The following RNF150 variants were observed in gnomAD, a reference collection of about 807,000 sequenced individuals.
The protein encoded by RNF150 is ring finger protein 150.
In RNF150, 24 loss-of-function variants were observed where a neutral mutation model predicts 39.3. The ratio of observed to expected loss-of-function variants is 0.61; its 90% CI spans 0.44 to 0.86. RNF150 has a LOEUF of 0.86. RNF150 is among the 40% of genes least tolerant of loss of function. The pLI is 0.00. For missense variants in RNF150, 502 were observed against 587.8 expected, an observed-to-expected ratio of 0.85 and a Z score of 1.51; for synonymous variants, 255 against 227.3, an observed-to-expected ratio of 1.12 and a Z score of -1.10.
At chr4:141,211,343 G>A (rs1031846976) in intron 1 of RNF150, among the ~76,000 whole-genome samples, 2 of 152,074 alleles carry the variant, frequency 1.3e-5, no homozygotes, top group Non-Finnish European at 1.5e-5. Flanking sequence ...ATACACCTAC[G>A]CTTGCTATTT....
rs376436172 is a variant in RNF150, at chr4:140,984,427, T to G, written c.485-16554A>C. On this transcript the variant is annotated intron_variant, in intron 1 of 6. Coordinates refer to ENST00000515673, the MANE Select transcript of RNF150 (RefSeq NM_020724.2). ...TGGTCTTTATTCTCTCTATCAGTATTCTTAGGGCAGGTAGAATTGAATGCA... is the reference window on the plus strand; with the variant it reads ...TGGTCTTTATTCTCTCTATCAGTATGCTTAGGGCAGGTAGAATTGAATGCA... Among the ~76,000 whole-genome samples the G allele has an allele frequency of 7.9e-5, 12 of 152,248 alleles. No homozygotes were observed. The East Asian group carries it at 1.2e-3, about 15-fold the overall frequency.
intron 1 of RNF150, among the ~76,000 whole-genome samples, chr4:141,183,947 A>G (rs1727956102): frequency 6.6e-6 from 1 of 152,070 alleles, no homozygotes; most frequent in Non-Finnish European, 1.5e-5. Context: ...TTGTTATTGT[A>G]AATAGTGCTG....
At chr4:141,176,970 T>C (rs557356537) in intron 1 of RNF150, among the ~76,000 whole-genome samples, 136 of 150,690 alleles carry the variant, frequency 9.0e-4, no homozygotes, top group African/African-American at 3.2e-3. Context: ...AATCCCAGCA[T>C]TTTGGGAGGC....
chr4:140,986,476 C>G (rs1734020103), intron 1 of RNF150, among the ~76,000 whole-genome samples: 1 of 151,996 alleles, frequency 6.6e-6, no homozygotes, highest in Non-Finnish European at 1.5e-5. Context: ...TTGCAAAGCT[C>G]ACGTTTGAAC....
At chr4:140,943,733 C>A (rs1488099823) in intron 4 of RNF150, among the ~76,000 whole-genome samples, 4 of 152,138 alleles carry the variant, frequency 2.6e-5, no homozygotes. Context: ...ACAGTTGCTA[C>A]AAAATGTTTC....
At chr4:141,074,174 G>A (rs541248321) in intron 1 of RNF150, among the ~76,000 whole-genome samples, 1 of 152,008 alleles carries the variant, frequency 6.6e-6, no homozygotes, top group East Asian at 1.9e-4. Context: ...TCACAGAAGT[G>A]GCTGATATTA....
intron 1 of RNF150, among the ~76,000 whole-genome samples, chr4:141,163,048 A>C (rs1430748586): frequency 6.6e-6 from 1 of 152,238 alleles, no homozygotes; most frequent in Non-Finnish European, 1.5e-5. Context: ...GCTAAGATCC[A>C]CTGGCTTGAA....
At chr4:141,200,483 C>T (rs1052846552) in intron 1 of RNF150, among the ~76,000 whole-genome samples, 2 of 151,496 alleles carry the variant, frequency 1.3e-5, no homozygotes, top group African/African-American at 4.9e-5. Flanking sequence ...AGACTTTCAT[C>T]TTCCTGCTAT....
chr4:141,144,065 T>G (rs899502510), intron 1 of RNF150, among the ~76,000 whole-genome samples: 9 of 152,324 alleles, frequency 5.9e-5, no homozygotes, highest in African/African-American at 2.2e-4. Flanking sequence ...GAACTTTATA[T>G]TCAATGCTTA....
chr4:141,178,216 G>T (rs1265194722), intron 1 of RNF150, among the ~76,000 whole-genome samples: 1 of 152,076 alleles, frequency 6.6e-6, no homozygotes, highest in African/African-American at 2.4e-5. Flanking sequence ...CTCAATGTCT[G>T]TTGCACCCTC....
chr4:141,210,749 T>C (rs1728450386), intron 1 of RNF150, among the ~76,000 whole-genome samples: 1 of 152,122 alleles, frequency 6.6e-6, no homozygotes, highest in South Asian at 2.1e-4. Context: ...TATCAATTTT[T>C]CCATTTCTTC....
At chr4:141,067,296 C>G (rs770860149) in intron 1 of RNF150, among the ~76,000 whole-genome samples, 1 of 152,132 alleles carries the variant, frequency 6.6e-6, no homozygotes, top group African/African-American at 2.4e-5. Flanking sequence ...CATCCTTAAG[C>G]TATTGCTAAG....
chr4:140,981,827 C>T (rs1733869376), intron 1 of RNF150, among the ~76,000 whole-genome samples: 3 of 152,180 alleles, frequency 2.0e-5, no homozygotes, highest in Admixed American at 6.5e-5. Context: ...GTTGAGGAAG[C>T]ATTCTGCTCG....
At chr4:141,077,791 G>A (rs1050686681) in intron 1 of RNF150, among the ~76,000 whole-genome samples, 1 of 152,232 alleles carries the variant, frequency 6.6e-6, no homozygotes, top group African/African-American at 2.4e-5. Context: ...TGCTATCCTG[G>A]CCCTGTGCCC....
chr4:140,936,372 CT>C (rs1731863567), intron 4 of RNF150, among the ~76,000 whole-genome samples: 2 of 152,154 alleles, frequency 1.3e-5, no homozygotes, highest in Admixed American at 1.3e-4. Context: ...ATTTCCAAAG[CT>C]GTTGTGCTAT....
chr4:141,147,185 A>G (rs1186203293), intron 1 of RNF150, among the ~76,000 whole-genome samples: 1 of 152,186 alleles, frequency 6.6e-6, no homozygotes. Flanking sequence ...TGTGTTTGTT[A>G]TGATAAGTAA....
At chr4:141,058,292 AGAG>A (rs1737070710) in intron 1 of RNF150, among the ~76,000 whole-genome samples, 1 of 152,106 alleles carries the variant, frequency 6.6e-6, no homozygotes, top group African/African-American at 2.4e-5. Context: ...AAAGGGATGA[AGAG>A]GAGTGGGGAG....
chr4:141,177,309 C>G (rs1411221582), intron 1 of RNF150, among the ~76,000 whole-genome samples: 1 of 152,108 alleles, frequency 6.6e-6, no homozygotes, highest in Non-Finnish European at 1.5e-5. Flanking sequence ...CTTTGCTGCT[C>G]CATTCTGATA....
intron 1 of RNF150, among the ~76,000 whole-genome samples, chr4:141,072,790 A>C (rs1315899792): frequency 2.0e-5 from 3 of 152,166 alleles, no homozygotes; most frequent in Admixed American, 2.0e-4. Flanking sequence ...TTATTAACAG[A>C]ATAGCATCAT....
Sources: allele counts gnomAD v4.1 joint callset (sites outside exome capture counted in the v4.1 genomes callset), GRCh38; gene constraint gnomAD v4.1.1; transcripts MANE v1.5; gene names NCBI Gene and HGNC (gene_info 2026-07-23, HGNC 2026-07-21).